L3MBTL3: variants seen among roughly 807,000 people sequenced by gnomAD.
L3MBTL3 encodes L3MBTL histone methyl-lysine binding protein 3.
In L3MBTL3, 27 loss-of-function variants were observed where a neutral mutation model predicts 102.3. The ratio of observed to expected loss-of-function variants is 0.26; its 90% CI spans 0.19 to 0.36. L3MBTL3 has a LOEUF of 0.36. Among genes scored for constraint, L3MBTL3 ranks in the 10% least tolerant of loss-of-function variants. The pLI is 1.00. For synonymous variants in L3MBTL3, 340 were observed against 320.9 expected (o/e 1.06, Z -0.64); for missense variants, 798 against 955.3 (o/e 0.84, Z 2.17).
chr6:130,029,535 A>G (rs1156634415), intron 2 of L3MBTL3, among the ~76,000 whole-genome samples: 1 of 152,126 alleles, frequency 6.6e-6, no homozygotes, highest in Non-Finnish European at 1.5e-5. Context: ...TTTCTTTATA[A>G]GAACTTGGCA....
chr6:130,049,981 GAATT>G, intron 5 of L3MBTL3, 151 bp downstream of exon 5: 1 of 990,320 alleles, frequency 1.0e-6, no homozygotes, highest in Non-Finnish European at 1.4e-6. Context: ...GAGTCATCCT[GAATT>G]TGTTCTTCCC....
chr6:130,089,839 C>CA (rs35333288), intron 16 of L3MBTL3, among the ~76,000 whole-genome samples: 92,125 of 146,242 alleles, frequency 0.63, 31,136 homozygotes, highest in East Asian at 0.78. Flanking sequence ...TTTTTCACAG[C>CA]AAAAAAAAAA....
In L3MBTL3 at chr6:130,049,762, C is replaced by A; in HGVS notation, c.221C>A (p.Thr74Asn). ...CCTAAATCTACATCTCCAGCCCCGA[C>A]CTCTCCCCCGAGCTCCAGGCCCGTA... The part of the protein sequence containing the change: ...WMVPTAQEAP[T>N]SPPSSRPVFP... The change falls in exon 5 of 23, where the codon ACC (threonine) becomes AAC (asparagine). Residue 74 changes from threonine (T) to asparagine (N), a missense_variant. Thr to Asn is a moderately conservative substitution (Grantham distance 65, BLOSUM62 0). This residue lies in a region of L3MBTL3 where 434 missense variants were observed against 506.6 expected (regional missense o/e 0.86). Coordinates refer to ENST00000361794, the MANE Select transcript of L3MBTL3 (RefSeq NM_032438.4). 6.2e-7 allele frequency: 1 copy of A among 1,614,072 alleles called. No individual in the cohort carries two copies.
At chr6:130,062,559 T>G (rs1781964713) in intron 10 of L3MBTL3, among the ~76,000 whole-genome samples, 1 of 149,636 alleles carries the variant, frequency 6.7e-6, no homozygotes, top group South Asian at 2.1e-4. Context: ...AGCTAAATTT[T>G]TTTTTTTTTT....
At chr6:130,044,101 A>G (rs1397467512) in intron 3 of L3MBTL3, among the ~76,000 whole-genome samples, 1 of 152,244 alleles carries the variant, frequency 6.6e-6, no homozygotes, top group Admixed American at 6.5e-5. Context: ...AAGGTTGCTG[A>G]ACATTTTTGA....
At chr6:130,049,856 A>G in intron 5 of L3MBTL3, 26 bp downstream of exon 5, 1 of 1,592,060 alleles carries the variant, frequency 6.3e-7, no homozygotes, top group Non-Finnish European at 8.5e-7. Flanking sequence ...CATGTCTGAA[A>G]TGCAATTCAT....
intron 2 of L3MBTL3, among the ~76,000 whole-genome samples, chr6:130,030,149 T>TCTCCCGGCCG (rs1172568893): frequency 6.6e-6 from 1 of 151,328 alleles, no homozygotes; most frequent in Non-Finnish European, 1.5e-5. Context: ...GTGAGCCACC[T>TCTCCCGGCCG]CTCCCGGCCG....
At chr6:130,031,274 G>C (rs1779705726) in intron 2 of L3MBTL3, among the ~76,000 whole-genome samples, 1 of 152,214 alleles carries the variant, frequency 6.6e-6, no homozygotes, top group Non-Finnish European at 1.5e-5. Flanking sequence ...TAGCATCCTT[G>C]TAGTTGAATC....
At chr6:130,089,956 A>G (rs1783937273) in intron 16 of L3MBTL3, among the ~76,000 whole-genome samples, 1 of 152,054 alleles carries the variant, frequency 6.6e-6, no homozygotes, top group Non-Finnish European at 1.5e-5. Context: ...CTCAGCAGCC[A>G]CCTATTCCAC....
chr6:130,078,172 C>T (rs1783078923), intron 13 of L3MBTL3, among the ~76,000 whole-genome samples: 1 of 152,132 alleles, frequency 6.6e-6, no homozygotes, highest in African/African-American at 2.4e-5. Context: ...TACATTTGCC[C>T]TTAGCGATAC....
At chr6:130,115,948 A>G (rs1020352062) in intron 19 of L3MBTL3, among the ~76,000 whole-genome samples, 3 of 152,142 alleles carry the variant, frequency 2.0e-5, no homozygotes, top group African/African-American at 7.2e-5. Flanking sequence ...TTTAATCTTC[A>G]TGATACCTTA....
intron 7 of L3MBTL3, among the ~76,000 whole-genome samples, chr6:130,054,252 A>G (rs1288088669): frequency 6.6e-6 from 1 of 152,180 alleles, no homozygotes; most frequent in Non-Finnish European, 1.5e-5. Flanking sequence ...GGGTGGAGTA[A>G]GATGAAGTTG....
intron 6 of L3MBTL3, 139 bp from the exon 7 acceptor site, chr6:130,052,720 C>T (rs1288540697): frequency 3.1e-6 from 3 of 982,310 alleles, no homozygotes; most frequent in East Asian, 2.7e-5. Context: ...ATTCTCATGC[C>T]TACAGATTTC....
Position 130,139,891 on chromosome 6 carries a change from CAA to C in L3MBTL3, c.*139_*140del. ...ACACTATCGGATTATTTATATTACT[CAA>C]GAGACAATATATATGAATTCTTATG... On this transcript the variant is annotated 3_prime_UTR_variant, in exon 23 of 23. Transcript: ENST00000361794. 3 of 742,360 alleles carry C rather than the reference CAA, an allele frequency of 4.0e-6. No homozygotes were observed. The highest frequency in any genetic ancestry group is 3.3e-5 in the South Asian group (2 of 59,708). 46.0% of individuals were successfully genotyped at this position (742,360 alleles called of 1,614,324 possible).
chr6:130,093,893 C>T (rs1454736581), intron 17 of L3MBTL3, among the ~76,000 whole-genome samples: 1 of 152,164 alleles, frequency 6.6e-6, no homozygotes, highest in Admixed American at 6.5e-5. Flanking sequence ...TTGAAGTGTT[C>T]ACAGTATGTG....
At chr6:130,095,804 C>T (rs9483083) in intron 18 of L3MBTL3, among the ~76,000 whole-genome samples, 1 of 151,970 alleles carries the variant, frequency 6.6e-6, no homozygotes, top group African/African-American at 2.4e-5. Flanking sequence ...GAGGGCCAAA[C>T]CTGCTTTTAT....
chr6:130,037,003 A>G (rs781349935), intron 2 of L3MBTL3, among the ~76,000 whole-genome samples: 5 of 152,164 alleles, frequency 3.3e-5, no homozygotes, highest in Non-Finnish European at 7.4e-5. Flanking sequence ...ATCTTTCTGC[A>G]CCTCAGTTTC....
intron 1 of L3MBTL3, among the ~76,000 whole-genome samples, chr6:130,021,324 C>CT (rs1469035957): frequency 6.6e-6 from 1 of 152,142 alleles, no homozygotes; most frequent in Non-Finnish European, 1.5e-5. Context: ...ATTAGAGGAC[C>CT]TGAGCGAGCA....
At chr6:130,033,757 G>A (rs893240056) in intron 2 of L3MBTL3, among the ~76,000 whole-genome samples, 3 of 152,154 alleles carry the variant, frequency 2.0e-5, no homozygotes, top group Non-Finnish European at 4.4e-5. Context: ...TTTGAAAAAT[G>A]TACTTGTTAA....
Sources: allele counts gnomAD v4.1 joint callset (sites outside exome capture counted in the v4.1 genomes callset), GRCh38; gene constraint gnomAD v4.1.1; regional missense constraint gnomAD v4.1.1; transcripts MANE v1.5; gene names NCBI Gene and HGNC (gene_info 2026-07-23, HGNC 2026-07-21).